The following TNPO1 variants were observed in gnomAD, a reference collection of about 807,000 sequenced individuals.
The protein encoded by TNPO1 is transportin-1.
TNPO1 carries 8 observed loss-of-function variants against 119.5 expected under a neutral mutation model. That is an observed-to-expected ratio of 0.07 (90% CI 0.04 to 0.12). The LOEUF is 0.12. TNPO1 is among the 10% of genes least tolerant of loss of function. The pLI is 1.00. For missense variants in TNPO1, 576 were observed against 1,089.8 expected (o/e 0.53, Z 6.64); for synonymous variants, 362 against 363.0 (o/e 1.00, Z 0.03).
At chr5:72,900,323 T>A (rs1446430953) in intron 21 of TNPO1, among the ~76,000 whole-genome samples, 2 of 152,194 alleles carry the variant, frequency 1.3e-5, no homozygotes, top group Non-Finnish European at 2.9e-5. Context: ...ATGCTTGCTG[T>A]GTTAAAAAAG....
At position 72,893,365 on chromosome 5, in the gene TNPO1, G is replaced by T. The variant is rs376927568; in HGVS notation, c.1897-12G>T. 2.8e-5 allele frequency: 45 copies of T among 1,611,500 alleles called. No individual in the cohort carries two copies. In the African/African-American group the frequency reaches 4.9e-4, roughly 18 times the overall value. On this transcript the variant is annotated splice_polypyrimidine_tract_variant and intron_variant, in intron 16 of 24. Coordinates refer to ENST00000337273, the MANE Select transcript of TNPO1 (RefSeq NM_002270.4). ...AAACCAAACTTACAAAAAACATTGT[G>T]TCTAATTTCAGCTAAACAATGCTCA...
chr5:72,856,699 A>C (rs946530332), intron 4 of TNPO1, among the ~76,000 whole-genome samples: 2 of 152,218 alleles, frequency 1.3e-5, no homozygotes, highest in Non-Finnish European at 2.9e-5. Flanking sequence ...GTAATTCAGC[A>C]GCAACTTTTT....
Position 72,893,599 on chromosome 5 carries a change from C to A in TNPO1, c.2056-17C>A. ...CTCTGTGTCACATTGGGGTTAATTT[C>A]TTCTTATTTCTTGTAGGATAAAATG... On this transcript the variant is annotated splice_polypyrimidine_tract_variant and intron_variant, in intron 17 of 24. Transcript: ENST00000337273. 6.2e-7 allele frequency: 1 copy of A among 1,614,154 alleles called. No individual in the cohort carries two copies.
At chr5:72,898,152 A>C (rs932420746) in intron 20 of TNPO1, among the ~76,000 whole-genome samples, 1 of 152,114 alleles carries the variant, frequency 6.6e-6, no homozygotes, top group Admixed American at 6.5e-5. Context: ...AAATCTTGTT[A>C]GGATTTTATC....
At chr5:72,823,328 G>C (rs1189949757) in intron 1 of TNPO1, among the ~76,000 whole-genome samples, 3 of 152,028 alleles carry the variant, frequency 2.0e-5, no homozygotes, top group Admixed American at 6.5e-5. Context: ...TGATAAGAAT[G>C]TACATAACTG....
At chr5:72,825,512 C>G (rs981692959) in intron 1 of TNPO1, among the ~76,000 whole-genome samples, 1 of 152,104 alleles carries the variant, frequency 6.6e-6, no homozygotes, top group Non-Finnish European at 1.5e-5. Flanking sequence ...ACCGTGAAAC[C>G]CTGTCTCTAC....
chr5:72,878,180 T>C lies in TNPO1; in HGVS notation c.920+834T>C, dbSNP rs140971486. Among the ~76,000 whole-genome samples the C allele has an allele frequency of 5.6e-4, 86 of 152,276 alleles. 2 individuals are homozygous for C. The highest frequency in any genetic ancestry group is 1.9e-3 in the African/African-American group (79 of 41,554). On this transcript the variant is annotated intron_variant, in intron 9 of 24. Coordinates refer to ENST00000337273, the MANE Select transcript of TNPO1 (RefSeq NM_002270.4). ...GAGAGAGAGAGACTGTTCTCTGCCA[T>C]TGAATATTTAGGTTGTTTTGGCTTT... is the stretch of plus-strand genomic sequence containing the variant.
intron 13 of TNPO1, among the ~76,000 whole-genome samples, chr5:72,888,944 T>C (rs560593850): frequency 6.6e-6 from 1 of 152,354 alleles, no homozygotes; most frequent in South Asian, 2.1e-4. Flanking sequence ...TATACCTTTA[T>C]ATTTTAAAAG....
rs1271484545 is a variant in TNPO1 at position 72,893,246 on chromosome 5, G to C, written c.1896G>C (p.Met632Ile). 1 of 1,612,100 alleles carries C rather than the reference G, an allele frequency of 6.2e-7. No homozygotes were observed. Residue 632 changes from methionine to isoleucine, a missense_variant and splice_region_variant, in exon 16 of 25, where the codon ATG becomes ATC. Met to Ile is a conservative substitution (Grantham distance 10). Coordinates refer to ENST00000337273, the MANE Select transcript of TNPO1 (RefSeq NM_002270.4). ...TACAGAAGACTCTTGCACAAGCCATGGTAATTTTTTTAAAATGTCTTCCTC... is the reference window on the plus strand; with the variant it reads ...TACAGAAGACTCTTGCACAAGCCATCGTAATTTTTTTAAAATGTCTTCCTC... ...NLVQKTLAQA[M>I]LNNAQPDQYE...
chr5:72,865,728 A>C lies in TNPO1; in HGVS notation c.595A>C (p.Arg199=). 1 of 1,613,038 alleles carries C rather than the reference A, an allele frequency of 6.2e-7. No individual in the cohort carries two copies. The highest frequency in any genetic ancestry group is 8.5e-7 in the Non-Finnish European group (1 of 1,179,690). The change falls in exon 6 of 25, where the codon AGG becomes CGG. Residue 199 remains arginine, a splice_region_variant and synonymous_variant. Coordinates refer to ENST00000337273, the MANE Select transcript of TNPO1 (RefSeq NM_002270.4). ...CTTCAAGCATAGTAGTCCAAAAATA[A>C]GGTACTTATATTGCCAGTACTAATT... ...QFFKHSSPKI[R]SHAVACVNQF...
chr5:72,846,219 T>C (rs188903122), intron 1 of TNPO1, among the ~76,000 whole-genome samples: 1 of 152,316 alleles, frequency 6.6e-6, no homozygotes, highest in Non-Finnish European at 1.5e-5. Context: ...AAGAATTTTT[T>C]TGCTGTGTTG....
intron 22 of TNPO1, among the ~76,000 whole-genome samples, chr5:72,901,636 G>A (rs1749802014): frequency 6.6e-6 from 1 of 152,034 alleles, no homozygotes; most frequent in Non-Finnish European, 1.5e-5. Context: ...TAAGCATCTG[G>A]ATCCAACTGC....
At chr5:72,900,477 T>C (rs1378430483) in intron 21 of TNPO1, among the ~76,000 whole-genome samples, 1 of 152,180 alleles carries the variant, frequency 6.6e-6, no homozygotes, top group Non-Finnish European at 1.5e-5. Flanking sequence ...CATGTTTAAA[T>C]TTGTTATGTA....
chr5:72,820,720 A>G (rs754837249), intron 1 of TNPO1, among the ~76,000 whole-genome samples: 1 of 152,214 alleles, frequency 6.6e-6, no homozygotes, highest in Non-Finnish European at 1.5e-5. Context: ...TATATCATAT[A>G]CATATTCAGA....
At chr5:72,847,762 G>A (rs550736366) in intron 1 of TNPO1, among the ~76,000 whole-genome samples, 6 of 152,216 alleles carry the variant, frequency 3.9e-5, no homozygotes, top group Non-Finnish European at 7.4e-5. Context: ...GGTTTTCGAG[G>A]TCTGGGTTGC....
chr5:72,877,160 A>T (rs1273295982), intron 8 of TNPO1, 68 bp from the exon 9 acceptor site: 1 of 800,552 alleles, frequency 1.2e-6, no homozygotes. Flanking sequence ...TTGCTTGATA[A>T]TAGGACTGAA....
intron 5 of TNPO1, 100 bp from the exon 6 acceptor site, chr5:72,865,496 T>C: frequency 7.5e-7 from 1 of 1,326,538 alleles, no homozygotes; most frequent in Non-Finnish European, 1.0e-6. Flanking sequence ...TTATGTGGGC[T>C]GAGAACATTA....
chr5:72,884,108 G>A (rs1748451794), intron 11 of TNPO1, among the ~76,000 whole-genome samples: 1 of 152,058 alleles, frequency 6.6e-6, no homozygotes, highest in Non-Finnish European at 1.5e-5. Context: ...GGGGTCATAT[G>A]GTAACTGTAT....
rs1412266477 is a variant in TNPO1 at position 72,848,415 on chromosome 5, G to A, written c.46G>A (p.Asp16Asn). Residue 16 changes from aspartate (D) to asparagine (N), a missense_variant, in exon 2 of 25, where the codon GAC becomes AAC. This residue lies in a region of TNPO1 where 57 missense variants were observed against 59.5 expected (regional missense o/e 0.96). Coordinates refer to ENST00000337273, the MANE Select transcript of TNPO1 (RefSeq NM_002270.4). ...QTKMEYEWKPDEQGLQQILQL... is the reference protein window; with the variant it reads ...QTKMEYEWKPNEQGLQQILQL... ...CAAGATGGAGTATGAGTGGAAACCT[G>A]ACGAGCAAGGGCTTCAGCAAATCCT... The A allele has an allele frequency of 6.2e-7, 1 of 1,612,516 alleles. No homozygotes were observed. The highest frequency in any genetic ancestry group is 1.3e-5 in the African/African-American group (1 of 74,798).
Sources: gnomAD v4.1 joint callset for allele counts (sites outside exome capture counted in the v4.1 genomes callset) on GRCh38, gnomAD v4.1.1 for gene constraint, gnomAD v4.1.1 regional missense constraint, MANE v1.5 for transcripts, NCBI Gene and HGNC (gene_info 2026-07-23, HGNC 2026-07-21) for gene names.